VPS13A: variants seen among roughly 807,000 people sequenced by gnomAD.
VPS13A encodes intermembrane lipid transfer protein VPS13A.
Under a neutral mutation model 390.9 loss-of-function variants are expected in VPS13A, and 264 were observed. The ratio of observed to expected loss-of-function variants is 0.68; its 90% confidence interval spans 0.61 to 0.75. VPS13A has a LOEUF of 0.75. Among genes scored for constraint, VPS13A ranks in the 30% least tolerant of loss-of-function variants. The pLI is 0.00. For synonymous variants in VPS13A, 1,231 were observed against 1,227.1 expected (o/e 1.00, Z -0.07); for missense variants, 3,409 against 3,733.9 (o/e 0.91, Z 2.27).
Position 77,362,866 on chromosome 9 carries a change from TTATA to T in VPS13A, c.8211+2226_8211+2229del, listed in dbSNP as rs1563960222. Among the ~76,000 whole-genome samples the T allele has an allele frequency of 3.9e-5, 6 of 152,320 alleles. No homozygotes were observed. The East Asian group carries it at 1.2e-3, about 29-fold the overall frequency. ...TTTATTCCTATGTATTATATTCTTCTTATAGTATTATGAATAAAATTGATTTTTT... is the reference window on the plus strand; with the variant it reads ...TTTATTCCTATGTATTATATTCTTCTGTATTATGAATAAAATTGATTTTTT... On this transcript the variant is annotated intron_variant, in intron 59 of 71. Transcript: ENST00000360280.
chr9:77,271,579 T>C (rs1046238435), intron 23 of VPS13A, among the ~76,000 whole-genome samples: 1 of 151,880 alleles, frequency 6.6e-6, no homozygotes, highest in Admixed American at 6.6e-5. Flanking sequence ...CAGAAGTGAA[T>C]GGATAAGGAA....
chr9:77,329,427 CTCT>C (rs1354277307), intron 45 of VPS13A, among the ~76,000 whole-genome samples: 1 of 152,056 alleles, frequency 6.6e-6, no homozygotes, highest in African/African-American at 2.4e-5. Flanking sequence ...AGACATGTGC[CTCT>C]TCTTTTTATT....
At chr9:77,311,458 TC>T (rs150011333) in intron 35 of VPS13A, among the ~76,000 whole-genome samples, 11,871 of 152,194 alleles carry the variant, frequency 0.078, 578 homozygotes, top group East Asian at 0.12. Flanking sequence ...GGTTCATCTT[TC>T]TCCTAAATGT....
At chr9:77,194,095 G>T (rs977110438) in intron 1 of VPS13A, among the ~76,000 whole-genome samples, 2 of 152,118 alleles carry the variant, frequency 1.3e-5, no homozygotes, top group African/African-American at 2.4e-5. Context: ...GGTGACAGTA[G>T]GGTGGTAAGG....
At chr9:77,358,844 C>A (rs1227636364) in intron 57 of VPS13A, among the ~76,000 whole-genome samples, 5 of 152,056 alleles carry the variant, frequency 3.3e-5, no homozygotes, top group Non-Finnish European at 7.4e-5. Flanking sequence ...TTCCCTTTGC[C>A]TTTCTTGTTT....
intron 46 of VPS13A, among the ~76,000 whole-genome samples, chr9:77,334,688 T>A (rs1830450117): frequency 6.6e-6 from 1 of 152,200 alleles, no homozygotes; most frequent in Non-Finnish European, 1.5e-5. Context: ...AATTTTGCCT[T>A]CTTGTTGGTA....
Position 77,415,199 on chromosome 9 carries a change from G to GTTTTC in VPS13A, c.9475-752_9475-748dup, listed in dbSNP as rs1162157772. 2.0e-5 allele frequency among the ~76,000 whole-genome samples: 3 copies of GTTTTC among 152,284 alleles called. No homozygotes were observed. In the South Asian group the frequency reaches 6.2e-4, roughly 32 times the overall value. On this transcript the variant is annotated intron_variant, in intron 71 of 71. Coordinates refer to ENST00000360280, the MANE Select transcript of VPS13A (RefSeq NM_033305.3). ...CCTGTTTCAATTTACCTGCAATAAAGTTTTCTTTTAATTCCTTCACCATGT... is the reference window on the plus strand; with the variant it reads ...CCTGTTTCAATTTACCTGCAATAAAGTTTTCTTTTCTTTTAATTCCTTCACCATGT...
chr9:77,312,947 A>G (rs1003891991), intron 35 of VPS13A, among the ~76,000 whole-genome samples: 2 of 152,172 alleles, frequency 1.3e-5, no homozygotes, highest in Non-Finnish European at 2.9e-5. Context: ...CCACCCCAAA[A>G]TAAGTGCATA....
At chr9:77,261,608 G>A (rs982524874) in intron 23 of VPS13A, among the ~76,000 whole-genome samples, 1 of 148,950 alleles carries the variant, frequency 6.7e-6, no homozygotes, top group Non-Finnish European at 1.5e-5. Flanking sequence ...TTTTTGGGAC[G>A]AAGTCTCCCT....
At chr9:77,335,845 A>T (rs1046309323) in intron 46 of VPS13A, among the ~76,000 whole-genome samples, 1 of 152,218 alleles carries the variant, frequency 6.6e-6, no homozygotes, top group Non-Finnish European at 1.5e-5. Context: ...CAGCAATCCC[A>T]TTACTGGGTA....
At chr9:77,209,322 T>C in intron 5 of VPS13A, 101 bp from the exon 6 acceptor site, 1 of 785,170 alleles carries the variant, frequency 1.3e-6, no homozygotes, top group South Asian at 1.6e-5. Flanking sequence ...CATATATATG[T>C]ATATTTCAGC....
At chr9:77,393,417 A>G (rs1833980722) in intron 68 of VPS13A, among the ~76,000 whole-genome samples, 1 of 152,250 alleles carries the variant, frequency 6.6e-6, no homozygotes, top group African/African-American at 2.4e-5. Flanking sequence ...CTTATTAATC[A>G]CAGATGTTTT....
chr9:77,186,763 C>G (rs1232964488), intron 1 of VPS13A, among the ~76,000 whole-genome samples: 1 of 152,144 alleles, frequency 6.6e-6, no homozygotes, highest in Non-Finnish European at 1.5e-5. Context: ...GTGTACACTT[C>G]ATGTCATTAA....
intron 26 of VPS13A, among the ~76,000 whole-genome samples, chr9:77,279,252 C>T (rs1037693378): frequency 2.6e-5 from 4 of 152,090 alleles, no homozygotes; most frequent in Admixed American, 1.3e-4. Context: ...GATGGAGAGC[C>T]GGAAGTGGGG....
chr9:77,315,505 T>G (rs747022149), intron 38 of VPS13A, 35 bp downstream of exon 38: 2 of 1,589,910 alleles, frequency 1.3e-6, no homozygotes, highest in South Asian at 2.2e-5. Context: ...ATATTTGTTT[T>G]ATTGAAGTGC....
chr9:77,337,398 A>T lies in VPS13A; in HGVS notation c.6239A>T (p.Asn2080Ile). Residue 2080 changes from asparagine (N) to isoleucine (I), a missense_variant, in exon 47 of 72, where the codon AAT (asparagine) becomes ATT (isoleucine). Asn to Ile is a moderately radical substitution (Grantham distance 149). Transcript: ENST00000360280. The stretch of plus-strand genomic sequence containing the variant: ...CCTTCTAAGGAATCATTTCTCATTA[A>T]TATTGTTCCAGAAAAAGATAATTTA... Reference protein sequence around the residue: ...KNPSKESFLINIVPEKDNLTS... With the variant: ...KNPSKESFLIIIVPEKDNLTS... 6.2e-7 allele frequency: 1 copy of T among 1,612,902 alleles called. No individual in the cohort carries two copies. The highest frequency in any genetic ancestry group is 8.5e-7 in the Non-Finnish European group (1 of 1,179,052).
At chr9:77,301,950 T>C (rs1828382371) in intron 33 of VPS13A, among the ~76,000 whole-genome samples, 1 of 145,514 alleles carries the variant, frequency 6.9e-6, no homozygotes, top group Non-Finnish European at 1.5e-5. Context: ...ACAAATTACA[T>C]AGAGATATTT....
rs79424404 is a variant in VPS13A, at chr9:77,300,350, T to G, written c.3813-2565T>G. 4.9e-3 allele frequency among the ~76,000 whole-genome samples: 743 copies of G among 152,332 alleles called. 6 individuals carry two copies. Among genetic ancestry groups the G allele is most frequent in the African/African-American group, 0.017 (705 of 41,582 alleles). ...TACTCATTTCTTTGGGATAATTCAT[T>G]TCCTGAGGATGAGTTCCTAGAAATA... On this transcript the variant is annotated intron_variant, in intron 33 of 71. Coordinates refer to ENST00000360280, the MANE Select transcript of VPS13A (RefSeq NM_033305.3).
At chr9:77,393,992 T>C (rs1307086195) in intron 68 of VPS13A, among the ~76,000 whole-genome samples, 1 of 152,094 alleles carries the variant, frequency 6.6e-6, no homozygotes, top group Non-Finnish European at 1.5e-5. Flanking sequence ...GGGGACGATC[T>C]CCTGACCTCA....
Sources: allele counts gnomAD v4.1 joint callset (sites outside exome capture counted in the v4.1 genomes callset), GRCh38; gene constraint gnomAD v4.1.1; transcripts MANE v1.5; gene names NCBI Gene and HGNC (gene_info 2026-07-23, HGNC 2026-07-21).